The following ETFRF1 variants were observed in gnomAD, a reference collection of about 807,000 sequenced individuals.
ETFRF1 encodes the protein electron transfer flavoprotein regulatory factor 1.
Under a neutral mutation model 9.0 loss-of-function variants are expected in ETFRF1, and 12 were observed. The observed-to-expected ratio is 1.34, with a 90% confidence interval of 0.86 to 2.16. The LOEUF (loss-of-function observed/expected upper bound fraction) is 2.16. Among genes scored for constraint, ETFRF1 ranks in the 30% most tolerant of loss-of-function variants. The probability of loss-of-function intolerance (pLI) is 0.00; values close to 1 mark genes in which losing one functional copy is unlikely to be tolerated. For missense variants in ETFRF1, 98 were observed against 101.8 expected, an observed-to-expected ratio of 0.96 and a Z score of 0.16; for synonymous variants, 34 against 33.2, an observed-to-expected ratio of 1.02 and a Z score of -0.08.
Position 25,204,991 on chromosome 12 carries a change from GAAAT to G in ETFRF1, c.*690_*693del, listed in dbSNP as rs545966010. On this transcript the variant is annotated 3_prime_UTR_variant, in exon 3 of 3. Transcript: ENST00000381356. ...TATCAATTACCTTCTTTGATAAAAG[GAAAT>G]AAATAAATAATGTTATCCTATTTTT... The G allele has an allele frequency of 1.8e-4, 37 of 204,598 alleles. No homozygotes were observed. The highest frequency in any genetic ancestry group is 7.5e-4 in the East Asian group (10 of 13,324). The allele number at this position is 204,598 out of a possible 1,614,324, so 12.7% of individuals were successfully genotyped here. A position where few individuals can be genotyped will look rare whatever the true frequency, so the allele number is the denominator to read the frequency against.
chr12:25,197,533 C>T (rs1396032874), intron 1 of ETFRF1, among the ~76,000 whole-genome samples: 2 of 152,176 alleles, frequency 1.3e-5, no homozygotes, highest in African/African-American at 4.8e-5. Context: ...GGAACAATCA[C>T]GGCTCACTAC....
intron 1 of ETFRF1, among the ~76,000 whole-genome samples, chr12:25,201,294 T>C (rs1211671643): frequency 6.6e-6 from 1 of 152,176 alleles, no homozygotes; most frequent in Non-Finnish European, 1.5e-5. Context: ...CAAATTAACT[T>C]CTCTAGAAGG....
rs1012427984 is a variant in ETFRF1 at position 25,204,870 on chromosome 12, T to C, written c.*558T>C. ...TTCTGACCTTGAAATAGCCTGCTGG[T>C]GACTGGCATTAACATACATAACTAA... On this transcript the variant is annotated 3_prime_UTR_variant, in exon 3 of 3. Coordinates refer to ENST00000381356, the MANE Select transcript of ETFRF1 (RefSeq NM_001001660.3). 36 of 198,544 alleles carry C rather than the reference T, an allele frequency of 1.8e-4. No individual in the cohort carries two copies. Among genetic ancestry groups the C allele is most frequent in the African/African-American group, 7.8e-4 (34 of 43,552 alleles). The allele number at this position is 198,544 out of a possible 1,614,324, so 12.3% of individuals were successfully genotyped here. A position where few individuals can be genotyped will look rare whatever the true frequency, so the allele number is the denominator to read the frequency against.
At chr12:25,196,696 TCTTTA>T (rs1291082525) in intron 1 of ETFRF1, among the ~76,000 whole-genome samples, 3 of 152,228 alleles carry the variant, frequency 2.0e-5, no homozygotes, top group African/African-American at 7.2e-5. Flanking sequence ...AACTCTTGGC[TCTTTA>T]CTTAAAACAG....
chr12:25,205,014 TA>T lies in ETFRF1; in HGVS notation c.*703del, dbSNP rs1393242744. ...AGGAAATAAATAAATAATGTTATCC[TA>T]TTTTTTTGTCATAAAGGCAGATTTG... is the stretch of plus-strand genomic sequence containing the variant. On this transcript the variant is annotated 3_prime_UTR_variant, in exon 3 of 3. Coordinates refer to ENST00000381356, the MANE Select transcript of ETFRF1 (RefSeq NM_001001660.3). 4.8e-6 allele frequency: 1 copy of T among 207,136 alleles called. No homozygotes were observed. The highest frequency in any genetic ancestry group is 9.8e-6 in the Non-Finnish European group (1 of 102,178). 12.8% of individuals were successfully genotyped at this position (207,136 alleles called of 1,614,324 possible). A position where few individuals can be genotyped will look rare whatever the true frequency, so the allele number is the denominator to read the frequency against.
At chr12:25,202,061 T>TAAAAAAAAAA (rs1951077531) in intron 1 of ETFRF1, among the ~76,000 whole-genome samples, 1 of 5,702 alleles carries the variant, frequency 1.8e-4, no homozygotes, top group African/African-American at 2.6e-4. Context: ...TCTACTGAAA[T>TAAAAAAAAAA]ACAAAAAAAA....
intron 1 of ETFRF1, among the ~76,000 whole-genome samples, chr12:25,199,090 A>G (rs1421688721): frequency 6.6e-6 from 1 of 152,034 alleles, no homozygotes; most frequent in East Asian, 1.9e-4. Context: ...TAGAATTGAC[A>G]CTGAATTACA....
chr12:25,197,000 C>T (rs963628938), intron 1 of ETFRF1, among the ~76,000 whole-genome samples: 2 of 151,800 alleles, frequency 1.3e-5, no homozygotes, highest in Admixed American at 6.6e-5. Flanking sequence ...TAAAATAATA[C>T]AAAAAATTAG....
chr12:25,195,402 A>C, intron 1 of ETFRF1, 65 bp downstream of exon 1: 1 of 543,148 alleles, frequency 1.8e-6, no homozygotes, highest in South Asian at 2.1e-5. Context: ...TGGAGGCGAA[A>C]TATGCTCTGG....
Position 25,195,238 on chromosome 12 carries a change from C to T in ETFRF1, c.-137C>T, listed in dbSNP as rs1592779207. 1.3e-6 allele frequency: 1 copy of T among 762,512 alleles called. No homozygotes were observed. The highest frequency in any genetic ancestry group is 2.3e-6 in the Non-Finnish European group (1 of 442,802). The allele number at this position is 762,512 out of a possible 1,614,324, so 47.2% of individuals were successfully genotyped here. On this transcript the variant is annotated 5_prime_UTR_variant, in exon 1 of 3. Transcript: ENST00000381356. ...TCCGGCCGGCGCCCCGCCCCCTTTA[C>T]TGACAGGTTGCCCACCTCCCCCAAC...
chr12:25,201,160 C>G (rs1459891242), intron 1 of ETFRF1, among the ~76,000 whole-genome samples: 1 of 152,186 alleles, frequency 6.6e-6, no homozygotes, highest in Non-Finnish European at 1.5e-5. Flanking sequence ...GAGCTTAAAG[C>G]AGAAAATAGC....
At position 25,203,978 on chromosome 12, in the gene ETFRF1, AGAG is replaced by A. The variant is rs765463386; in HGVS notation, c.26_28del (p.Gly9del). Reference sequence around the variant, plus strand: ...ATAAATGAAAATGGCCAATTCTTTAAGAGGAGAAGTACTAAAACTTTATAAAAA... The same window carrying A: ...ATAAATGAAAATGGCCAATTCTTTAAGAGAAGTACTAAAACTTTATAAAAA... On this transcript the variant is annotated inframe_deletion, in exon 2 of 3. Transcript: ENST00000381356. 136 of 1,485,022 alleles carry A rather than the reference AGAG, an allele frequency of 9.2e-5. No homozygotes were observed. Among genetic ancestry groups the A allele is most frequent in the Admixed American group, 2.4e-4 (9 of 37,610 alleles). 92.0% of individuals were successfully genotyped at this position (1,485,022 alleles called of 1,614,324 possible). A position where few individuals can be genotyped will look rare whatever the true frequency, so the allele number is the denominator to read the frequency against.
At chr12:25,202,451 G>A (rs1951082397) in intron 1 of ETFRF1, among the ~76,000 whole-genome samples, 2 of 152,064 alleles carry the variant, frequency 1.3e-5, no homozygotes, top group Non-Finnish European at 2.9e-5. Context: ...GATGAGGAGG[G>A]CATCCTATTA....
At position 25,203,933 on chromosome 12, in the gene ETFRF1, A is replaced by G; in HGVS notation, c.-24A>G. On this transcript the variant is annotated 5_prime_UTR_variant, in exon 2 of 3. The change creates a new upstream start codon in the 5' untranslated region. Transcript: ENST00000381356. Reference sequence around the variant, plus strand: ...TCCTTTCTTTAGGTATGTTATGCATAAAAGTGGATAATTTACATGATAAAT... The same window carrying G: ...TCCTTTCTTTAGGTATGTTATGCATGAAAGTGGATAATTTACATGATAAAT... The G allele has an allele frequency of 1.4e-6, 2 of 1,436,838 alleles. No individual in the cohort carries two copies. Among genetic ancestry groups the G allele is most frequent in the Middle Eastern group, 2.5e-4 (1 of 4,078 alleles). 89.0% of individuals were successfully genotyped at this position (1,436,838 alleles called of 1,614,324 possible).
In ETFRF1 at chr12:25,204,188, A is replaced by G. The variant is rs776801089; in HGVS notation, c.149A>G (p.Glu50Gly). Residue 50 changes from glutamate (E) to glycine (G), a missense_variant, in exon 3 of 3, where the codon GAG becomes GGG. By Grantham distance (98) the Glu-to-Gly change is moderately conservative (BLOSUM62 -2). Coordinates refer to ENST00000381356, the MANE Select transcript of ETFRF1 (RefSeq NM_001001660.3). ...FLKNKDVKNP[E>G]KIKELIAQGE... is the part of the protein sequence containing the mutation. The stretch of plus-strand genomic sequence containing the variant: ...AAAAACAAAGATGTGAAGAATCCAG[A>G]GAAGATCAAAGAACTTATTGCACAG... 6.2e-7 allele frequency: 1 copy of G among 1,613,006 alleles called. No homozygotes were observed. The highest frequency in any genetic ancestry group is 8.5e-7 in the Non-Finnish European group (1 of 1,179,438).
intron 1 of ETFRF1, among the ~76,000 whole-genome samples, chr12:25,199,489 A>G (rs1951057105): frequency 2.0e-5 from 3 of 150,766 alleles, no homozygotes; most frequent in African/African-American, 7.3e-5. Flanking sequence ...ATTTTAATAT[A>G]TTTTTGCAAG....
intron 1 of ETFRF1, among the ~76,000 whole-genome samples, chr12:25,202,039 T>G (rs1408012680): frequency 1.9e-5 from 2 of 106,210 alleles, no homozygotes; most frequent in African/African-American, 3.4e-5. Flanking sequence ...GCCAACATGG[T>G]GAAACCCCGT....
intron 1 of ETFRF1, among the ~76,000 whole-genome samples, chr12:25,202,063 C>CAAAACAAAAAAAAAAAA (rs1951077747): frequency 1.9e-5 from 1 of 52,814 alleles, no homozygotes; most frequent in Non-Finnish European, 3.7e-5. Context: ...TACTGAAATA[C>CAAAACAAAAAAAAAAAA]AAAAAAAAAA....
chr12:25,199,043 G>T (rs1951053189), intron 1 of ETFRF1, among the ~76,000 whole-genome samples: 1 of 151,896 alleles, frequency 6.6e-6, no homozygotes, highest in African/African-American at 2.4e-5. Context: ...TTAGACTTTG[G>T]CTGGCATTTC....
Sources: allele counts gnomAD v4.1 joint callset (sites outside exome capture counted in the v4.1 genomes callset), GRCh38; gene constraint gnomAD v4.1.1; transcripts MANE v1.5; gene names NCBI Gene and HGNC (gene_info 2026-07-23, HGNC 2026-07-21).